Variants in TTBK2 observed in about 807,000 individuals in gnomAD.
TTBK2 encodes the protein tau tubulin kinase 2, also known as tau-tubulin kinase 2.
TTBK2 carries 28 observed loss-of-function variants against 110.8 expected under a neutral mutation model. The ratio of observed to expected loss-of-function variants is 0.25; its 90% CI spans 0.19 to 0.35. TTBK2 has a LOEUF of 0.35. TTBK2 is among the 10% of genes least tolerant of loss of function. The pLI, the probability that TTBK2 is intolerant of heterozygous loss-of-function variation, is 1.00. For synonymous variants in TTBK2, 532 were observed against 527.3 expected, an observed-to-expected ratio of 1.01 and a Z score of -0.12; for missense variants, 1,369 against 1,500.3, an observed-to-expected ratio of 0.91 and a Z score of 1.45.
chr15:42,903,670 TGGC>T (rs534536665), intron 1 of TTBK2, among the ~76,000 whole-genome samples: 3 of 152,232 alleles, frequency 2.0e-5, no homozygotes, highest in Non-Finnish European at 4.4e-5. Context: ...CACCCAGGTT[TGGC>T]TGACTGCTTC....
intron 3 of TTBK2, among the ~76,000 whole-genome samples, chr15:42,864,195 C>T (rs571895834): frequency 4.6e-5 from 7 of 152,250 alleles, no homozygotes; most frequent in Admixed American, 2.6e-4. Context: ...CTCCAAAGGT[C>T]TAATAATCAG....
At chr15:42,778,299 A>AC (rs889533401) in intron 11 of TTBK2, among the ~76,000 whole-genome samples, 1 of 151,614 alleles carries the variant, frequency 6.6e-6, no homozygotes, top group African/African-American at 2.4e-5. Flanking sequence ...GCAAAAAAAA[A>AC]AAAAACAAAA....
At chr15:42,794,571 C>G in intron 10 of TTBK2, 73 bp downstream of exon 10, 1 of 1,605,496 alleles carries the variant, frequency 6.2e-7, no homozygotes. Flanking sequence ...CTGAGGGAAT[C>G]TGGATGAAGT....
Position 42,775,148 on chromosome 15 carries a change from C to A in TTBK2, c.1985G>T (p.Gly662Val). ...CAAATTTCTTACCGCTGTAAGGGGTCCTTCTGCCTGCGCCTCCATTAGACT... is the reference window on the plus strand; with the variant it reads ...CAAATTTCTTACCGCTGTAAGGGGTACTTCTGCCTGCGCCTCCATTAGACT... ...PTSLMEAQAEGPLTAITIPRP... is the reference protein window; with the variant it reads ...PTSLMEAQAEVPLTAITIPRP... The change falls in exon 13 of 15, where the codon GGA (glycine) becomes GTA (valine). Residue 662 changes from glycine to valine, a missense_variant. Coordinates refer to ENST00000267890, the MANE Select transcript of TTBK2 (RefSeq NM_173500.4). 1.2e-6 allele frequency: 2 copies of A among 1,613,768 alleles called. No individual in the cohort carries two copies. Among genetic ancestry groups the A allele is most frequent in the Non-Finnish European group, 8.5e-7 (1 of 1,180,018 alleles).
At chr15:42,763,094 ATATATATACG>A (rs1460001103) in intron 13 of TTBK2, among the ~76,000 whole-genome samples, 6 of 122,880 alleles carry the variant, frequency 4.9e-5, no homozygotes, top group African/African-American at 1.4e-4. Context: ...TTATATATAT[ATATATATACG>A]TATATATATA....
At chr15:42,872,952 C>T (rs1894672347) in intron 2 of TTBK2, among the ~76,000 whole-genome samples, 194 bp from the exon 3 acceptor site, 1 of 152,114 alleles carries the variant, frequency 6.6e-6, no homozygotes, top group Middle Eastern at 3.4e-3. Flanking sequence ...AACCTTTCCC[C>T]ACAGGTTTAT....
At chr15:42,903,888 C>T (rs76869254) in intron 1 of TTBK2, among the ~76,000 whole-genome samples, 14 of 152,248 alleles carry the variant, frequency 9.2e-5, no homozygotes, top group African/African-American at 3.1e-4. Context: ...TCTGATTAAG[C>T]GAGCTGCCAT....
At position 42,841,177 on chromosome 15, in the gene TTBK2, T is replaced by C. The variant is rs367963185; in HGVS notation, c.218-744A>G. Among the ~76,000 whole-genome samples the C allele has an allele frequency of 6.6e-5, 10 of 152,298 alleles. No homozygotes were observed. In the East Asian group the frequency reaches 1.9e-3, roughly 29 times the overall value. ...TTGATTCAGAATCTGTGGAGAAAGA[T>C]AAAGAATATGAGCTTTTCAAAAGTT... is the stretch of plus-strand genomic sequence containing the variant. On this transcript the variant is annotated intron_variant, in intron 3 of 14. Transcript: ENST00000267890.
intron 3 of TTBK2, among the ~76,000 whole-genome samples, chr15:42,866,287 A>G (rs918637780): frequency 2.0e-5 from 3 of 152,154 alleles, no homozygotes; most frequent in Non-Finnish European, 4.4e-5. Context: ...ATTAATAATA[A>G]TAGTAATAAT....
At chr15:42,830,227 G>A (rs1301367572) in intron 4 of TTBK2, 149 bp from the exon 5 acceptor site, 1 of 934,080 alleles carries the variant, frequency 1.1e-6, no homozygotes, top group Non-Finnish European at 1.6e-6. Flanking sequence ...CACTCTTGTT[G>A]CCCAGGCTGG....
intron 1 of TTBK2, among the ~76,000 whole-genome samples, chr15:42,904,324 G>C (rs567579234): frequency 6.6e-6 from 1 of 152,212 alleles, no homozygotes; most frequent in Non-Finnish European, 1.5e-5. Context: ...TTTTGTTCTA[G>C]ATTATGGATT....
At chr15:42,806,961 G>C (rs1891494548) in intron 9 of TTBK2, among the ~76,000 whole-genome samples, 1 of 152,120 alleles carries the variant, frequency 6.6e-6, no homozygotes, top group Non-Finnish European at 1.5e-5. Flanking sequence ...TTTAGAAAGA[G>C]ACCTTCCTTG....
At position 42,752,649 on chromosome 15, in the gene TTBK2, T is replaced by C; in HGVS notation, c.2597A>G (p.Gln866Arg). The C allele has an allele frequency of 6.2e-7, 1 of 1,614,184 alleles. No homozygotes were observed. Among genetic ancestry groups the C allele is most frequent in the Non-Finnish European group, 8.5e-7 (1 of 1,180,038 alleles). The change falls in exon 14 of 15, where the codon CAG becomes CGG. Residue 866 changes from glutamine to arginine, a missense_variant. By Grantham distance (43) the Gln-to-Arg change is conservative (BLOSUM62 1). Around this residue, in one of 4 missense-constraint regions of TTBK2, gnomAD observed 1,097 missense variants for 1,114.7 expected, o/e 0.98. Coordinates refer to ENST00000267890, the MANE Select transcript of TTBK2 (RefSeq NM_173500.4). Reference sequence around the variant, plus strand: ...TTGCATTTCTGCCACTTGGCCTATCTGACCTTCAACATGTGGGTCAATGTC... The same window carrying C: ...TTGCATTTCTGCCACTTGGCCTATCCGACCTTCAACATGTGGGTCAATGTC... ...SRDIDPHVEG[Q>R]IGQVAEMQKN... is the part of the protein sequence containing the mutation.
At chr15:42,878,172 T>C (rs1012637565) in intron 2 of TTBK2, among the ~76,000 whole-genome samples, 13 of 149,798 alleles carry the variant, frequency 8.7e-5, no homozygotes, top group Admixed American at 2.0e-4. Flanking sequence ...TTAGTAGAGA[T>C]GGGGTTTCAT....
rs1892066998 is a variant in TTBK2, at chr15:42,817,058, C to A, written c.577G>T (p.Ala193Ser). Reference sequence around the variant, plus strand: ...CTGTTCCGATGTGCGTTGATTGATGCATAACGAACTGTCCCTCGAAAACCT... The same window carrying A: ...CTGTTCCGATGTGCGTTGATTGATGAATAACGAACTGTCCCTCGAAAACCT... ...VAGFRGTVRY[A>S]SINAHRNREM... The change falls in exon 7 of 15, where the codon GCA (alanine) becomes TCA (serine). Residue 193 changes from alanine (A) to serine (S), a missense_variant. Ala to Ser is a moderately conservative substitution (Grantham distance 99, BLOSUM62 1). Transcript: ENST00000267890. 6.2e-7 allele frequency: 1 copy of A among 1,607,028 alleles called. No homozygotes were observed. Among genetic ancestry groups the A allele is most frequent in the Non-Finnish European group, 8.5e-7 (1 of 1,175,768 alleles).
intron 1 of TTBK2, among the ~76,000 whole-genome samples, chr15:42,918,196 T>C (rs1205958277): frequency 2.6e-5 from 4 of 152,122 alleles, no homozygotes; most frequent in Non-Finnish European, 5.9e-5. Context: ...CCCTAGTAGC[T>C]GGAACCACAG....
chr15:42,793,392 T>C (rs1157943225), intron 10 of TTBK2, among the ~76,000 whole-genome samples: 1 of 152,136 alleles, frequency 6.6e-6, no homozygotes, highest in African/African-American at 2.4e-5. Context: ...TCTTTCAATA[T>C]AAAAATCACA....
chr15:42,800,332 C>T (rs966856847), intron 9 of TTBK2: 2 of 432,372 alleles, frequency 4.6e-6, no homozygotes, highest in Non-Finnish European at 9.1e-6. Flanking sequence ...CCTAAAATAC[C>T]CTTATTCTTT....
rs368406556 is a variant in TTBK2, at chr15:42,769,631, A to G, written c.1998+5504T>C. Among the ~76,000 whole-genome samples the G allele has an allele frequency of 3.9e-5, 6 of 152,342 alleles. No individual in the cohort carries two copies. The East Asian group carries it at 9.6e-4, about 24-fold the overall frequency. On this transcript the variant is annotated intron_variant, in intron 13 of 14. Coordinates refer to ENST00000267890, the MANE Select transcript of TTBK2 (RefSeq NM_173500.4). ...ACAACAGGTGCTGGAGAGGATGTGGAGAAATAGGAACACTTTTACACTGTT... is the reference window on the plus strand; with the variant it reads ...ACAACAGGTGCTGGAGAGGATGTGGGGAAATAGGAACACTTTTACACTGTT...
Sources: gnomAD v4.1 joint callset for allele counts (sites outside exome capture counted in the v4.1 genomes callset) on GRCh38, gnomAD v4.1.1 for gene constraint, gnomAD v4.1.1 regional missense constraint, MANE v1.5 for transcripts, NCBI Gene and HGNC (gene_info 2026-07-23, HGNC 2026-07-21) for gene names.